The following NLRP9 variants were observed in gnomAD, a reference collection of about 807,000 sequenced individuals.
The protein encoded by NLRP9 is NLR family pyrin domain containing 9.
Under a neutral mutation model 83.1 loss-of-function variants are expected in NLRP9, and 88 were observed. That is an observed-to-expected ratio of 1.06 (90% confidence interval 0.89 to 1.26). The LOEUF (loss-of-function observed/expected upper bound fraction) is 1.26. NLRP9 is among the 50% of genes most tolerant of loss of function. The pLI is 0.00. For missense variants in NLRP9, 1,308 were observed against 1,179.3 expected (o/e 1.11, Z -1.60); for synonymous variants, 521 against 447.6 (o/e 1.16, Z -2.07).
rs1245007346 is a variant in NLRP9, at chr19:55,710,981, G to A, written c.2843+819C>T. Among the ~76,000 whole-genome samples the A allele has an allele frequency of 2.0e-5, 3 of 151,956 alleles. No homozygotes were observed. In the East Asian group the frequency reaches 5.8e-4, roughly 29 times the overall value. On this transcript the variant is annotated intron_variant, in intron 8 of 8. Coordinates refer to ENST00000332836, the MANE Select transcript of NLRP9 (RefSeq NM_176820.4). ...AGTGCCTGTAATCCCAGCTACTTGGGAGGCTGAGGCATGAGAATTCCTTGA... is the reference window on the plus strand; with the variant it reads ...AGTGCCTGTAATCCCAGCTACTTGGAAGGCTGAGGCATGAGAATTCCTTGA...
chr19:55,717,581 G>C (rs1170243218), intron 4 of NLRP9, among the ~76,000 whole-genome samples: 1 of 152,176 alleles, frequency 6.6e-6, no homozygotes, highest in Non-Finnish European at 1.5e-5. Context: ...TCCAGAACTC[G>C]ATAAATCTGA....
At position 55,732,380 on chromosome 19, in the gene NLRP9, G is replaced by A. The variant is rs757906216; in HGVS notation, c.1451C>T (p.Pro484Leu). ...CCCCACCTGGGTCAAGAGGGTTTGA[G>A]GCTGAACCACACTTGCTCTTACAAG... is the stretch of plus-strand genomic sequence containing the variant. ...TQLVRASVVQPQTLLTQVGIF... is the reference protein window; with the variant it reads ...TQLVRASVVQLQTLLTQVGIF... The change falls in exon 2 of 9, where the codon CCT (proline) becomes CTT (leucine). Residue 484 changes from proline to leucine, a missense_variant. Physicochemically the swap from Pro to Leu is moderately conservative, Grantham distance 98. Transcript: ENST00000332836. 7 of 1,614,108 alleles carry A rather than the reference G, an allele frequency of 4.3e-6. No homozygotes were observed. The highest frequency in any genetic ancestry group is 5.9e-6 in the Non-Finnish European group (7 of 1,180,060).
At chr19:55,724,465 T>A (rs562263841) in intron 3 of NLRP9, among the ~76,000 whole-genome samples, 15 of 152,290 alleles carry the variant, frequency 9.8e-5, no homozygotes, top group African/African-American at 3.6e-4. Flanking sequence ...TACTTGTACC[T>A]CTTTGTATTC....
At position 55,733,919 on chromosome 19, in the gene NLRP9, A is replaced by ATTTTTTTTT. The variant is rs765779528; in HGVS notation, c.281-378_281-370dup. ...ATAAACTCAACCAGTTGTCAACCAA[A>ATTTTTTTTT]TTTTTTTTTTTTTTTTTTTTTGAGA... is the stretch of plus-strand genomic sequence containing the variant. On this transcript the variant is annotated intron_variant, in intron 1 of 8. Coordinates refer to ENST00000332836, the MANE Select transcript of NLRP9 (RefSeq NM_176820.4). 6.0e-3 allele frequency among the ~76,000 whole-genome samples: 708 copies of ATTTTTTTTT among 117,772 alleles called. 25 individuals are homozygous for ATTTTTTTTT. The highest frequency in any genetic ancestry group is 0.011 in the African/African-American group (302 of 27,872). The allele number at this position is 117,772 out of a possible 152,430, so 77.3% of individuals were successfully genotyped here. A position where few individuals can be genotyped will look rare whatever the true frequency, so the allele number is the denominator to read the frequency against.
rs759377561 is a variant in NLRP9, at chr19:55,712,404, A to T, written c.2672+16T>A. 1 of 1,599,756 alleles carries T rather than the reference A, an allele frequency of 6.3e-7. No homozygotes were observed. The highest frequency in any genetic ancestry group is 1.7e-5 in the Admixed American group (1 of 59,168). ...ATAGATAAATTTTCCTACGATGGTG[A>T]TCAGTAGATACTCACCCGAGACACT... On this transcript the variant is annotated intron_variant, in intron 7 of 8. Coordinates refer to ENST00000332836, the MANE Select transcript of NLRP9 (RefSeq NM_176820.4).
chr19:55,716,318 G>A (rs1988009913), intron 5 of NLRP9, among the ~76,000 whole-genome samples: 1 of 149,378 alleles, frequency 6.7e-6, no homozygotes, highest in South Asian at 2.1e-4. Context: ...GAGTGCAGTG[G>A]CACAATCTCG....
chr19:55,711,113 A>C lies in NLRP9; in HGVS notation c.2843+687T>G, dbSNP rs543497937. 1.3e-3 allele frequency among the ~76,000 whole-genome samples: 196 copies of C among 150,396 alleles called. 2 individuals carry two copies. The highest frequency in any genetic ancestry group is 5.8e-3 in the South Asian group (28 of 4,800). ...AAAAACAAAACAAAACAAAACAAAA[A>C]AAAAACCTTAAACAACATATTGTGA... On this transcript the variant is annotated intron_variant, in intron 8 of 8. Coordinates refer to ENST00000332836, the MANE Select transcript of NLRP9 (RefSeq NM_176820.4).
At chr19:55,734,721 G>A (rs1015471432) in intron 1 of NLRP9, among the ~76,000 whole-genome samples, 2 of 149,686 alleles carry the variant, frequency 1.3e-5, no homozygotes, top group East Asian at 2.0e-4. Flanking sequence ...TGCAACCTCC[G>A]CCTCCTGGGT....
chr19:55,722,427 C>T (rs868246274), intron 4 of NLRP9, among the ~76,000 whole-genome samples: 6 of 152,184 alleles, frequency 3.9e-5, no homozygotes, highest in African/African-American at 1.4e-4. Flanking sequence ...TACAGCAGTT[C>T]TATAAGCTCA....
intron 5 of NLRP9, among the ~76,000 whole-genome samples, chr19:55,715,891 G>A (rs1222455147): frequency 1.3e-5 from 2 of 152,126 alleles, no homozygotes; most frequent in African/African-American, 2.4e-5. Context: ...ATCCCATGTA[G>A]AATAATTTTT....
rs555857202 is a variant in NLRP9, at chr19:55,716,623, G to A, written c.2330+105C>T. On this transcript the variant is annotated intron_variant, in intron 5 of 8. Coordinates refer to ENST00000332836, the MANE Select transcript of NLRP9 (RefSeq NM_176820.4). ...GAACTCAGGTCTAGCTACGGATTCC[G>A]CATTCTGCTGCACCCCTCAGTGAGC... 3.0e-4 allele frequency: 273 copies of A among 900,702 alleles called. No individual in the cohort carries two copies. In the Middle Eastern group the frequency reaches 3.7e-3, roughly 12 times the overall value. The allele number at this position is 900,702 out of a possible 1,614,324, so 55.8% of individuals were successfully genotyped here.
At chr19:55,712,332 T>A in intron 7 of NLRP9, 88 bp downstream of exon 7, 1 of 1,162,380 alleles carries the variant, frequency 8.6e-7, no homozygotes, top group Non-Finnish European at 1.2e-6. Flanking sequence ...CTTTTAAACC[T>A]GCCTCCCTTC....
At chr19:55,734,690 G>A (rs1307383140) in intron 1 of NLRP9, among the ~76,000 whole-genome samples, 1 of 149,542 alleles carries the variant, frequency 6.7e-6, no homozygotes, top group Non-Finnish European at 1.5e-5. Flanking sequence ...GCTGGAGTGA[G>A]ATGGCGCTAT....
At chr19:55,733,764 C>G (rs916271572) in intron 1 of NLRP9, among the ~76,000 whole-genome samples, 4 of 152,110 alleles carry the variant, frequency 2.6e-5, no homozygotes, top group Non-Finnish European at 5.9e-5. Context: ...GGAACACAGG[C>G]TTGAAGTCTG....
At chr19:55,715,412 C>T (rs1424485526) in intron 5 of NLRP9, among the ~76,000 whole-genome samples, 187 bp from the exon 6 acceptor site, 14 of 152,080 alleles carry the variant, frequency 9.2e-5, no homozygotes, top group East Asian at 5.8e-4. Context: ...GAGCTGGGTG[C>T]GGTGCCTCAC....
intron 2 of NLRP9, 115 bp from the exon 3 acceptor site, chr19:55,730,107 G>A: frequency 1.1e-6 from 1 of 892,072 alleles, no homozygotes; most frequent in African/African-American, 1.7e-5. Flanking sequence ...ACCCAGGCCT[G>A]AACAGGGAGA....
At chr19:55,730,114 G>A (rs1039520383) in intron 2 of NLRP9, 122 bp from the exon 3 acceptor site, 1 of 825,480 alleles carries the variant, frequency 1.2e-6, no homozygotes, top group Non-Finnish European at 1.9e-6. Flanking sequence ...CCTGAACAGG[G>A]AGAAGGTCAG....
At chr19:55,721,340 CA>C (rs1297494394) in intron 4 of NLRP9, among the ~76,000 whole-genome samples, 1 of 152,066 alleles carries the variant, frequency 6.6e-6, no homozygotes, top group Non-Finnish European at 1.5e-5. Context: ...TGTGGAGAAA[CA>C]GGTGTTTGTC....
intron 1 of NLRP9, among the ~76,000 whole-genome samples, chr19:55,736,125 T>G (rs973826705): frequency 4.0e-5 from 6 of 151,722 alleles, no homozygotes; most frequent in African/African-American, 1.5e-4. Context: ...AAACTGATGA[T>G]TCACGCCTGT....
Sources: allele counts gnomAD v4.1 joint callset (sites outside exome capture counted in the v4.1 genomes callset), GRCh38; gene constraint gnomAD v4.1.1; transcripts MANE v1.5; gene names NCBI Gene and HGNC (gene_info 2026-07-23, HGNC 2026-07-21).